HADHB: variants seen among roughly 807,000 people sequenced by gnomAD.
HADHB encodes hydroxyacyl-CoA dehydrogenase trifunctional multienzyme complex subunit beta.
A neutral mutation model predicts 61.9 loss-of-function variants in HADHB; 50 were observed. The observed-to-expected ratio is 0.81, with a 90% CI of 0.64 to 1.02. HADHB has a LOEUF of 1.02. Among genes scored for constraint, HADHB ranks in the 50% least tolerant of loss-of-function variants. The pLI, the probability that HADHB is intolerant of heterozygous loss-of-function variation, is 0.00. For synonymous variants in HADHB, 191 were observed against 201.6 expected (o/e 0.95, Z 0.45); for missense variants, 504 against 586.5 (o/e 0.86, Z 1.45).
At position 26,282,505 on chromosome 2, in the gene HADHB, C is replaced by T. The variant is rs182244836; in HGVS notation, c.934-340C>T. On this transcript the variant is annotated intron_variant, in intron 10 of 15. Transcript: ENST00000317799. The stretch of plus-strand genomic sequence containing the variant: ...TCAATCACCTGCCTCATGATCTGCC[C>T]GCCTCAGCCTCCCAAAGTGCTGGGA... Among the ~76,000 whole-genome samples, 674 of 151,998 alleles carry T rather than the reference C, an allele frequency of 4.4e-3. 6 individuals are homozygous for T. The highest frequency in any genetic ancestry group is 0.025 in the South Asian group (120 of 4,814).
In HADHB at chr2:26,280,076, G is replaced by A. The variant is rs779596533; in HGVS notation, c.894G>A (p.Lys298=). Residue 298 remains lysine, a synonymous_variant, in exon 10 of 16, where the codon AAG becomes AAA. Transcript: ENST00000317799. The part of the protein sequence containing the change: ...QMAKLKPAFI[K]PYGTVTAANS... ...CCAAACTAAAACCTGCATTCATCAAGCCCTACGGCACAGTGACAGCTGCAA... is the reference window on the plus strand; with the variant it reads ...CCAAACTAAAACCTGCATTCATCAAACCCTACGGCACAGTGACAGCTGCAA... The A allele has an allele frequency of 1.1e-5, 17 of 1,612,092 alleles. No homozygotes were observed. Among genetic ancestry groups the A allele is most frequent in the Admixed American group, 6.7e-5 (4 of 60,002 alleles).
intron 3 of HADHB, among the ~76,000 whole-genome samples, chr2:26,258,524 G>A (rs1291801020): frequency 6.6e-6 from 1 of 152,190 alleles, no homozygotes; most frequent in Non-Finnish European, 1.5e-5. Flanking sequence ...GATCAGAAAC[G>A]CAGCGGACAC....
chr2:26,270,120 A>G (rs937241059), intron 5 of HADHB, 123 bp downstream of exon 5: 3 of 756,744 alleles, frequency 4.0e-6, no homozygotes, highest in East Asian at 2.5e-5. Context: ...TAAGCAGCTT[A>G]TGAATATTGT....
intron 1 of HADHB, among the ~76,000 whole-genome samples, chr2:26,247,104 C>T (rs1671198323): frequency 6.6e-6 from 1 of 152,152 alleles, no homozygotes; most frequent in African/African-American, 2.4e-5. Flanking sequence ...GCTGTTAGAG[C>T]CACCCCATCT....
chr2:26,254,439 C>T lies in HADHB; in HGVS notation c.74C>T (p.Pro25Leu), dbSNP rs1434038212. The stretch of plus-strand genomic sequence containing the variant: ...TTATTTTGTCTTCCAGCCATAAGAC[C>T]TCTGAGCTGTTCCTCCCAGCTACGA... Reference protein sequence around the residue: ...SKWALRFSIRPLSCSSQLRAA... With the variant: ...SKWALRFSIRLLSCSSQLRAA... The change falls in exon 3 of 16, where the codon CCT becomes CTT. Residue 25 changes from proline (P) to leucine (L), a missense_variant. Pro to Leu is a moderately conservative substitution (Grantham distance 98). Transcript: ENST00000317799. 3.7e-6 allele frequency: 6 copies of T among 1,605,128 alleles called. No individual in the cohort carries two copies. The African/African-American group carries it at 4.0e-5, about 11-fold the overall frequency.
chr2:26,280,434 G>A (rs904232975), intron 10 of HADHB, among the ~76,000 whole-genome samples: 6 of 152,236 alleles, frequency 3.9e-5, no homozygotes, highest in African/African-American at 1.2e-4. Context: ...TGCTGTGATG[G>A]CTGTAAGGCT....
At chr2:26,289,095 A>C (rs1673159068) in intron 15 of HADHB, among the ~76,000 whole-genome samples, 1 of 151,114 alleles carries the variant, frequency 6.6e-6, no homozygotes, top group South Asian at 2.1e-4. Context: ...CTAAAAATAC[A>C]AAAAATTAGC....
chr2:26,290,203 G>T lies in HADHB; in HGVS notation c.*250G>T. On this transcript the variant is annotated 3_prime_UTR_variant, in exon 16 of 16. Transcript: ENST00000317799. ...TGAGATGTGTGGGTGGTTGTTTTTG[G>T]TCTCTGTTGTCACTAAAGACTAAAT... 1.8e-6 allele frequency: 1 copy of T among 541,904 alleles called. No individual in the cohort carries two copies. The highest frequency in any genetic ancestry group is 3.3e-6 in the Non-Finnish European group (1 of 300,790). The allele number at this position is 541,904 out of a possible 1,614,324, so 33.6% of individuals were successfully genotyped here. A position where few individuals can be genotyped will look rare whatever the true frequency, so the allele number is the denominator to read the frequency against.
intron 3 of HADHB, 167 bp downstream of exon 3, chr2:26,254,641 A>G (rs1671536501): frequency 5.0e-6 from 3 of 601,228 alleles, no homozygotes; most frequent in South Asian, 3.8e-5. Context: ...GGTCCAATCA[A>G]TAATGATACT....
chr2:26,254,812 G>A, intron 3 of HADHB: 1 of 261,532 alleles, frequency 3.8e-6, no homozygotes, highest in Non-Finnish European at 7.4e-6. Flanking sequence ...CTTGAGACCT[G>A]CTATGGAACC....
intron 1 of HADHB, among the ~76,000 whole-genome samples, chr2:26,247,914 A>G (rs1671229404): frequency 6.6e-6 from 1 of 152,218 alleles, no homozygotes; most frequent in African/African-American, 2.4e-5. Flanking sequence ...AACAGTATAT[A>G]TAGATTTTAA....
chr2:26,270,400 T>C (rs1477626223), intron 5 of HADHB, among the ~76,000 whole-genome samples: 1 of 152,234 alleles, frequency 6.6e-6, no homozygotes, highest in Non-Finnish European at 1.5e-5. Flanking sequence ...AATAATTTGG[T>C]TGAGAATCAT....
rs764006338 is a variant in HADHB, at chr2:26,279,216, C to A, written c.712C>A (p.Arg238=). Reference sequence around the variant, plus strand: ...ACTGGCCGCTGCCTTTGCTGTTTCTCGGCTGGAACAGGATGAATATGCACT... The same window carrying A: ...ACTGGCCGCTGCCTTTGCTGTTTCTAGGCTGGAACAGGATGAATATGCACT... ...DRLAAAFAVS[R]LEQDEYALRS... is the part of the protein sequence containing the mutation. Residue 238 remains arginine (R), a synonymous_variant, in exon 9 of 16, where the codon CGG becomes AGG. Transcript: ENST00000317799. 2 of 1,613,412 alleles carry A rather than the reference C, an allele frequency of 1.2e-6. No individual in the cohort carries two copies. The highest frequency in any genetic ancestry group is 2.7e-5 in the African/African-American group (2 of 74,876).
At chr2:26,283,898 A>G (rs1672905842) in intron 12 of HADHB, among the ~76,000 whole-genome samples, 2 of 151,994 alleles carry the variant, frequency 1.3e-5, no homozygotes, top group African/African-American at 2.4e-5. Context: ...CTCACTGTTT[A>G]TTTATTATCA....
At position 26,290,248 on chromosome 2, in the gene HADHB, A is replaced by G. The variant is rs985418718; in HGVS notation, c.*295A>G. The G allele has an allele frequency of 8.7e-6, 4 of 459,082 alleles. No individual in the cohort carries two copies. Among genetic ancestry groups the G allele is most frequent in the Admixed American group, 3.6e-5 (1 of 27,508 alleles). The allele number at this position is 459,082 out of a possible 1,614,324, so 28.4% of individuals were successfully genotyped here. On this transcript the variant is annotated 3_prime_UTR_variant, in exon 16 of 16. Coordinates refer to ENST00000317799, the MANE Select transcript of HADHB (RefSeq NM_000183.3). The stretch of plus-strand genomic sequence containing the variant: ...CTAAATGAGGGTTTGCAGTTGGGAA[A>G]GAGGTCAACTGAGATTTGGAAATCA...
At position 26,279,020 on chromosome 2, in the gene HADHB, T is replaced by C. The variant is rs535761794; in HGVS notation, c.631-115T>C. 2.3e-4 allele frequency: 228 copies of C among 986,438 alleles called. 2 individuals are homozygous for C. In the South Asian group the frequency reaches 2.8e-3, roughly 12 times the overall value. The allele number at this position is 986,438 out of a possible 1,614,324, so 61.1% of individuals were successfully genotyped here. ...GATCCTCTGCTTGTCTTGGACTTGA[T>C]TGATTAATGGTAGACAAATAGATTT... On this transcript the variant is annotated intron_variant, in intron 8 of 15. Coordinates refer to ENST00000317799, the MANE Select transcript of HADHB (RefSeq NM_000183.3).
chr2:26,259,865 A>G (rs1671788049), intron 3 of HADHB, among the ~76,000 whole-genome samples: 2 of 152,134 alleles, frequency 1.3e-5, no homozygotes, highest in Admixed American at 6.5e-5. Context: ...TGGGCAAAAA[A>G]GGGGCCAGGC....
rs748403986 is a variant in HADHB, at chr2:26,279,161, C to G, written c.657C>G (p.Thr219=). 1 of 1,614,016 alleles carries G rather than the reference C, an allele frequency of 6.2e-7. No homozygotes were observed. The highest frequency in any genetic ancestry group is 8.5e-7 in the Non-Finnish European group (1 of 1,179,896). ...TCCCTGCGGTTTCTGAGTTCTCCAC[C>G]AGTGAGACCATGGGCCACTCTGCAG... ...PELPAVSEFS[T]SETMGHSADR... Residue 219 remains threonine, a synonymous_variant, in exon 9 of 16, where the codon ACC becomes ACG. Coordinates refer to ENST00000317799, the MANE Select transcript of HADHB (RefSeq NM_000183.3).
intron 4 of HADHB, among the ~76,000 whole-genome samples, chr2:26,267,787 AAAG>A (rs1432850772): frequency 2.6e-5 from 4 of 151,832 alleles, no homozygotes; most frequent in Admixed American, 6.6e-5. Flanking sequence ...AAAAAAAAAA[AAAG>A]AGTAAATAAA....
Sources: allele counts gnomAD v4.1 joint callset (sites outside exome capture counted in the v4.1 genomes callset), GRCh38; gene constraint gnomAD v4.1.1; transcripts MANE v1.5; gene names NCBI Gene and HGNC (gene_info 2026-07-23, HGNC 2026-07-21).